Variants in RGS3 observed in about 807,000 individuals in gnomAD.
RGS3 encodes the protein regulator of G protein signaling 3.
In RGS3, 80 loss-of-function variants were observed where a neutral mutation model predicts 132.6. The observed-to-expected ratio is 0.60, with a 90% confidence interval of 0.50 to 0.73. RGS3 has a LOEUF of 0.73. Among genes scored for constraint, RGS3 ranks in the 30% least tolerant of loss-of-function variants. RGS3 has a pLI of 0.00. For missense variants in RGS3, 1,382 were observed against 1,530.8 expected (o/e 0.90, Z 1.62); for synonymous variants, 598 against 620.6 (o/e 0.96, Z 0.54).
intron 19 of RGS3, among the ~76,000 whole-genome samples, chr9:113,557,231 A>G (rs1190999537): frequency 6.6e-6 from 1 of 152,234 alleles, no homozygotes; most frequent in East Asian, 1.9e-4. Context: ...AGCCTTGAGC[A>G]ATGTCACTGA....
chr9:113,560,018 A>G (rs1284236048), intron 19 of RGS3, among the ~76,000 whole-genome samples: 1 of 152,166 alleles, frequency 6.6e-6, no homozygotes, highest in Non-Finnish European at 1.5e-5. Context: ...GTTGAGGCCC[A>G]TTTTACAGAT....
At chr9:113,589,798 G>C (rs540292435) in intron 20 of RGS3, 7 of 152,370 alleles carry the variant, frequency 4.6e-5, no homozygotes, top group Non-Finnish European at 7.3e-5. Flanking sequence ...GGGGTCCAGA[G>C]TTTATCCTGG....
At chr9:113,580,932 T>TGTGCCACTCC (rs1834769616) in intron 19 of RGS3, 1 of 984,824 alleles carries the variant, frequency 1.0e-6, no homozygotes. Flanking sequence ...AGTGCCACTC[T>TGTGCCACTCC]GTGCCACTCC....
At chr9:113,465,884 C>T (rs1174190848) in intron 3 of RGS3, among the ~76,000 whole-genome samples, 1 of 152,202 alleles carries the variant, frequency 6.6e-6, no homozygotes, top group Non-Finnish European at 1.5e-5. Flanking sequence ...GTTTCCTGCA[C>T]TGGCTCTGTT....
At chr9:113,582,019 T>C (rs1588285596) in intron 19 of RGS3, 3 of 985,580 alleles carry the variant, frequency 3.0e-6, no homozygotes, top group Admixed American at 6.1e-5. Flanking sequence ...ACTCCCAGGC[T>C]GTGGCTCTTA....
At chr9:113,575,474 G>A (rs953892066) in intron 19 of RGS3, among the ~76,000 whole-genome samples, 2 of 152,090 alleles carry the variant, frequency 1.3e-5, no homozygotes, top group African/African-American at 4.8e-5. Flanking sequence ...CTCTGTTTAG[G>A]GAACGTGAAT....
At chr9:113,458,073 C>T (rs564508304), upstream of RGS3, among the ~76,000 whole-genome samples, 19 of 152,174 alleles carry the variant, frequency 1.2e-4, no homozygotes, top group African/African-American at 4.3e-4. Flanking sequence ...AAATCAAATC[C>T]CACAGTGTAT....
chr9:113,524,804 C>G (rs1832127885), intron 17 of RGS3, among the ~76,000 whole-genome samples: 3 of 152,212 alleles, frequency 2.0e-5, no homozygotes, highest in Admixed American at 2.0e-4. Context: ...CTGCCTCTAC[C>G]CCTCTGGGGG....
At chr9:113,531,432 C>T (rs1443578286) in intron 18 of RGS3, among the ~76,000 whole-genome samples, 1 of 152,110 alleles carries the variant, frequency 6.6e-6, no homozygotes, top group Admixed American at 6.6e-5. Flanking sequence ...TGGTTCTACC[C>T]TGCAGGGTTG....
intron 19 of RGS3, among the ~76,000 whole-genome samples, chr9:113,546,259 C>T (rs1361747835): frequency 6.6e-6 from 1 of 152,178 alleles, no homozygotes; most frequent in Non-Finnish European, 1.5e-5. Flanking sequence ...CAATCCTCAA[C>T]CTTCAAGGCT....
intron 19 of RGS3, among the ~76,000 whole-genome samples, chr9:113,554,461 A>G (rs1833485042): frequency 2.6e-5 from 4 of 152,226 alleles, no homozygotes; most frequent in Admixed American, 2.6e-4. Flanking sequence ...ACACGCCATC[A>G]TACCCAGCTA....
upstream of RGS3, among the ~76,000 whole-genome samples, chr9:113,459,961 A>G (rs559556839): frequency 2.1e-4 from 32 of 150,386 alleles, no homozygotes; most frequent in African/African-American, 7.6e-4. Flanking sequence ...AATTGCTTGA[A>G]CCTTGGGAGG....
At chr9:113,554,849 G>T (rs1382095444) in intron 19 of RGS3, among the ~76,000 whole-genome samples, 4 of 151,744 alleles carry the variant, frequency 2.6e-5, no homozygotes, top group Non-Finnish European at 4.4e-5. Flanking sequence ...TTTTTTTGGG[G>T]GGTTGAGAGC....
chr9:113,578,676 A>G (rs771706748), intron 19 of RGS3, among the ~76,000 whole-genome samples: 7 of 152,282 alleles, frequency 4.6e-5, no homozygotes, highest in Middle Eastern at 3.4e-3. Flanking sequence ...CTGAGCCATC[A>G]AGGTTCCTGG....
chr9:113,458,282 A>AT (rs1829403923), upstream of RGS3, among the ~76,000 whole-genome samples: 1 of 152,218 alleles, frequency 6.6e-6, no homozygotes, highest in African/African-American at 2.4e-5. Flanking sequence ...TTAACTTTAA[A>AT]AATTTTCACC....
Position 113,463,859 on chromosome 9 carries a change from G to C in RGS3, c.415+1658G>C, listed in dbSNP as rs768273580. 6.2e-6 allele frequency: 10 copies of C among 1,613,224 alleles called. No individual in the cohort carries two copies. Among genetic ancestry groups the C allele is most frequent in the Non-Finnish European group, 7.6e-6 (9 of 1,179,850 alleles). Reference sequence around the variant, plus strand: ...GGAGCCGGCGTGCCCACCCGGACTTGTCCTTCTACCTCACCACCTTTGGTA... The same window carrying C: ...GGAGCCGGCGTGCCCACCCGGACTTCTCCTTCTACCTCACCACCTTTGGTA... On this transcript the variant is annotated intron_variant, in intron 3 of 24. Transcript: ENST00000350696. The surrounding 1 kb of genome is among the most constrained non-coding windows in gnomAD (Gnocchi z 4.6).
At chr9:113,554,587 G>A (rs544977843) in intron 19 of RGS3, among the ~76,000 whole-genome samples, 5 of 152,306 alleles carry the variant, frequency 3.3e-5, no homozygotes, top group East Asian at 1.9e-4. Context: ...GATTACAGGC[G>A]TGAGCCACTG....
chr9:113,526,450 T>C (rs144503244), intron 17 of RGS3, among the ~76,000 whole-genome samples: 2,070 of 152,216 alleles, frequency 0.014, 42 homozygotes, highest in African/African-American at 0.048. Context: ...TGTGACATGG[T>C]GGTCAGGACG....
intron 15 of RGS3, among the ~76,000 whole-genome samples, chr9:113,515,793 G>C (rs1249430975): frequency 1.3e-5 from 2 of 152,094 alleles, no homozygotes; most frequent in Non-Finnish European, 2.9e-5. Flanking sequence ...AAGGAAAATT[G>C]TAGCATGAAC....
Sources: gnomAD v4.1 joint callset for allele counts (sites outside exome capture counted in the v4.1 genomes callset) on GRCh38, gnomAD v4.1.1 for gene constraint, Gnocchi (gnomAD v3.1) non-coding constraint, MANE v1.5 for transcripts, NCBI Gene and HGNC (gene_info 2026-07-23, HGNC 2026-07-21) for gene names.